The following PTDSS2 variants were observed in gnomAD, a reference collection of about 807,000 sequenced individuals.
PTDSS2 encodes the protein phosphatidylserine synthase 2.
PTDSS2 carries 41 observed loss-of-function variants against 64.7 expected under a neutral mutation model. That is an observed-to-expected ratio of 0.63 (90% CI 0.49 to 0.82). The LOEUF is 0.82. Ranked by LOEUF, PTDSS2 falls within the 40% of genes least tolerant of loss-of-function variation. PTDSS2 has a pLI of 0.00. For synonymous variants in PTDSS2, 297 were observed against 277.8 expected (o/e 1.07, Z -0.69); for missense variants, 485 against 650.0 (o/e 0.75, Z 2.76).
chr11:475,361 T>A (rs1847739030), intron 3 of PTDSS2, among the ~76,000 whole-genome samples: 1 of 147,600 alleles, frequency 6.8e-6, no homozygotes, highest in African/African-American at 2.5e-5. Flanking sequence ...TAGGACATAT[T>A]CACATATTTG....
chr11:455,032 G>T (rs1395017311), intron 1 of PTDSS2, among the ~76,000 whole-genome samples: 1 of 151,088 alleles, frequency 6.6e-6, no homozygotes, highest in East Asian at 1.9e-4. Context: ...CCTCCAGTGG[G>T]CCTGTGTGTG....
intron 2 of PTDSS2, among the ~76,000 whole-genome samples, chr11:473,039 G>A (rs113552005): frequency 1.4e-4 from 22 of 152,230 alleles, no homozygotes; most frequent in South Asian, 1.2e-3. Context: ...TCCGCAGAGC[G>A]GGTCCACACC....
rs1846799357 is a variant in PTDSS2 at position 459,976 on chromosome 11, C to G, written c.183-211C>G. On this transcript the variant is annotated intron_variant, in intron 1 of 11. Transcript: ENST00000308020. ...CACGGGGCTCTTCCTGTCCAGCCTCCTGGGGGCTGGTCTCAGCCCTGACTG... is the reference window on the plus strand; with the variant it reads ...CACGGGGCTCTTCCTGTCCAGCCTCGTGGGGGCTGGTCTCAGCCCTGACTG... The G allele has an allele frequency of 7.2e-6, 4 of 555,772 alleles. No homozygotes were observed. In the South Asian group the frequency reaches 8.4e-5, roughly 12 times the overall value. 34.4% of individuals were successfully genotyped at this position (555,772 alleles called of 1,614,324 possible).
At chr11:474,094 C>T (rs751822821) in intron 3 of PTDSS2, 117 bp downstream of exon 3, 183 of 815,140 alleles carry the variant, frequency 2.2e-4, no homozygotes, top group Non-Finnish European at 3.6e-4. Flanking sequence ...GGCCCCTCCC[C>T]GAGGCCTCCG....
chr11:485,481 A>G (rs112359623), intron 4 of PTDSS2, among the ~76,000 whole-genome samples: 4,209 of 126,242 alleles, frequency 0.033, 231 homozygotes, highest in African/African-American at 0.12. Context: ...GTGTGTGCTC[A>G]CTGTGCAGGC....
At position 488,196 on chromosome 11, in the gene PTDSS2, C is replaced by T. The variant is rs781188758; in HGVS notation, c.622-3C>T. ...ATACTCTGGCTGACCCTGGCGCCCA[C>T]AGACCCTGATGATCCGAGACTGGTG... On this transcript the variant is annotated splice_polypyrimidine_tract_variant and splice_region_variant and intron_variant, in intron 6 of 11. Coordinates refer to ENST00000308020, the MANE Select transcript of PTDSS2 (RefSeq NM_030783.3). 1 of 1,609,938 alleles carries T rather than the reference C, an allele frequency of 6.2e-7. No individual in the cohort carries two copies. The highest frequency in any genetic ancestry group is 8.5e-7 in the Non-Finnish European group (1 of 1,176,920).
At chr11:459,097 G>GAC (rs1159352938) in intron 1 of PTDSS2, 3 of 95,104 alleles carry the variant, frequency 3.2e-5, no homozygotes, top group African/African-American at 1.2e-4. Flanking sequence ...GACGTGAGGG[G>GAC]ACACTCCGGT....
intron 4 of PTDSS2, among the ~76,000 whole-genome samples, chr11:484,511 C>T (rs1360011966): frequency 6.6e-6 from 1 of 152,076 alleles, no homozygotes; most frequent in Non-Finnish European, 1.5e-5. Context: ...TGCAGGGGTG[C>T]GTGTGTGCTG....
intron 1 of PTDSS2, chr11:451,470 G>A (rs987833150): frequency 2.4e-5 from 10 of 422,464 alleles, no homozygotes; most frequent in Admixed American, 1.7e-4. Flanking sequence ...GTGAGAGGAG[G>A]GTTTGGCTCT....
intron 1 of PTDSS2, among the ~76,000 whole-genome samples, chr11:453,695 C>T (rs567268248): frequency 1.3e-5 from 2 of 152,252 alleles, no homozygotes; most frequent in Non-Finnish European, 2.9e-5. Context: ...GTGCCCGGTC[C>T]AGGAGCCTCT....
At chr11:480,249 T>A (rs1347639721) in intron 4 of PTDSS2, 2 of 133,374 alleles carry the variant, frequency 1.5e-5, no homozygotes, top group African/African-American at 5.9e-5. Flanking sequence ...CCCAGGATCA[T>A]GCGGTGTGCA....
chr11:489,292 C>T (rs79585139), intron 8 of PTDSS2, 108 bp from the exon 9 acceptor site: 7 of 901,000 alleles, frequency 7.8e-6, no homozygotes, highest in African/African-American at 3.3e-5. Flanking sequence ...AGAGCTCGTC[C>T]GATGGCACAG....
In PTDSS2 at chr11:460,380, G is replaced by A. The variant is rs377203234; in HGVS notation, c.284+92G>A. On this transcript the variant is annotated intron_variant, in intron 2 of 11. Transcript: ENST00000308020. This position sits in a 1 kb window ranked among gnomAD's most constrained non-coding sequence, Gnocchi z 5.8. ...TACTGCTCGGGCTGCCGGGGGCTCA[G>A]AAGGCCTTCACCAGAGGGCTGCGTG... is the stretch of plus-strand genomic sequence containing the variant. The A allele has an allele frequency of 1.9e-6, 2 of 1,067,834 alleles. No homozygotes were observed. The allele number at this position is 1,067,834 out of a possible 1,614,324, so 66.1% of individuals were successfully genotyped here. A position where few individuals can be genotyped will look rare whatever the true frequency, so the allele number is the denominator to read the frequency against.
rs568172949 is a variant in PTDSS2 at position 479,553 on chromosome 11, G to A, written c.435+401G>A. The A allele has an allele frequency of 1.5e-4, 37 of 251,566 alleles. No homozygotes were observed. The highest frequency in any genetic ancestry group is 1.9e-4 in the Non-Finnish European group (24 of 128,736). The allele number at this position is 251,566 out of a possible 1,614,324, so 15.6% of individuals were successfully genotyped here. A position where few individuals can be genotyped will look rare whatever the true frequency, so the allele number is the denominator to read the frequency against. ...ATCTGAGTGCTGGTGGGGACTGGGC[G>A]TGAAGGGAGCCGCAAGTCAGGTCCT... On this transcript the variant is annotated intron_variant, in intron 4 of 11. Transcript: ENST00000308020. The surrounding 1 kb of genome is among the most constrained non-coding windows in gnomAD (Gnocchi z 4.2).
chr11:490,779 C>CGT lies in PTDSS2; in HGVS notation c.*202_*203dup, dbSNP rs1565002095. The CGT allele has an allele frequency of 6.6e-6, 4 of 610,260 alleles. No individual in the cohort carries two copies. Among genetic ancestry groups the CGT allele is most frequent in the East Asian group, 2.8e-5 (1 of 36,308 alleles). The allele number at this position is 610,260 out of a possible 1,614,324, so 37.8% of individuals were successfully genotyped here. On this transcript the variant is annotated 3_prime_UTR_variant, in exon 12 of 12. Coordinates refer to ENST00000308020, the MANE Select transcript of PTDSS2 (RefSeq NM_030783.3). ...TCATCTCCATGTGTACACGTGTGTA[C>CGT]GTGTGTATGCGTGTGTGTACGCGTG...
intron 2 of PTDSS2, among the ~76,000 whole-genome samples, chr11:469,435 C>G (rs112419067): frequency 7.2e-4 from 56 of 78,300 alleles, no homozygotes; most frequent in African/African-American, 3.7e-3. Context: ...AGGAGGAGGG[C>G]AGTCTCTGGG....
intron 4 of PTDSS2, among the ~76,000 whole-genome samples, chr11:485,143 C>A (rs1419146788): frequency 9.1e-6 from 1 of 109,722 alleles, no homozygotes; most frequent in African/African-American, 3.8e-5. Flanking sequence ...TGTGCGCAGG[C>A]GAGTGTAAGT....
intron 4 of PTDSS2, among the ~76,000 whole-genome samples, chr11:481,554 A>G (rs1848072708): frequency 6.6e-6 from 1 of 152,136 alleles, no homozygotes; most frequent in Non-Finnish European, 1.5e-5. Flanking sequence ...TCAGAGTTTA[A>G]GTTTTGTACT....
At chr11:480,255 G>A (rs1167886894) in intron 4 of PTDSS2, 3 of 132,316 alleles carry the variant, frequency 2.3e-5, no homozygotes, top group Non-Finnish European at 4.8e-5. Context: ...ATCATGCGGT[G>A]TGCAGCCTCT....
Sources: gnomAD v4.1 joint callset for allele counts (sites outside exome capture counted in the v4.1 genomes callset) on GRCh38, gnomAD v4.1.1 for gene constraint, Gnocchi (gnomAD v3.1) non-coding constraint, MANE v1.5 for transcripts, NCBI Gene and HGNC (gene_info 2026-07-23, HGNC 2026-07-21) for gene names.